PRMT7: variants seen among roughly 807,000 people sequenced by gnomAD.
The protein encoded by PRMT7 is protein arginine methyltransferase 7, also known as protein arginine N-methyltransferase 7.
In PRMT7, 75 loss-of-function variants were observed where a neutral mutation model predicts 85.4. That is an observed-to-expected ratio of 0.88 (90% confidence interval 0.73 to 1.06). The LOEUF (loss-of-function observed/expected upper bound fraction) is 1.06. Ranked by LOEUF, PRMT7 falls within the 50% of genes least tolerant of loss-of-function variation. The probability of loss-of-function intolerance (pLI) is 0.00; values close to 1 mark genes in which losing one functional copy is unlikely to be tolerated. For synonymous variants in PRMT7, 397 were observed against 359.5 expected (o/e 1.10, Z -1.18); for missense variants, 868 against 915.2 (o/e 0.95, Z 0.67).
chr16:68,326,332 G>A (rs911346821), intron 5 of PRMT7, among the ~76,000 whole-genome samples: 8 of 151,904 alleles, frequency 5.3e-5, no homozygotes, highest in Non-Finnish European at 8.8e-5. Flanking sequence ...CGCAACCTCC[G>A]CCTCCTGGGT....
intron 6 of PRMT7, among the ~76,000 whole-genome samples, chr16:68,332,164 T>G (rs1270681994): frequency 6.6e-6 from 1 of 152,232 alleles, no homozygotes; most frequent in Non-Finnish European, 1.5e-5. Context: ...TAGCTTTAAG[T>G]CAGGCCTTCT....
chr16:68,314,926 A>ATCTATTC (rs2044493057), intron 2 of PRMT7, among the ~76,000 whole-genome samples: 1 of 152,136 alleles, frequency 6.6e-6, no homozygotes, highest in Non-Finnish European at 1.5e-5. Flanking sequence ...AATTGCTTTT[A>ATCTATTC]AAATTAAAAT....
At chr16:68,358,735 G>A (rs1247562531), downstream of PRMT7, 1 of 152,562 alleles carries the variant, frequency 6.6e-6, no homozygotes, top group African/African-American at 2.4e-5. Flanking sequence ...CTGGGCCTAG[G>A]GCAGGAACAG....
At chr16:68,322,347 G>A (rs148464563) in intron 4 of PRMT7, 4 of 439,054 alleles carry the variant, frequency 9.1e-6, no homozygotes, top group Admixed American at 2.4e-5. Flanking sequence ...CTACAGGCAT[G>A]CCACCATGCC....
At chr16:68,318,451 G>A (rs1188189430) in intron 3 of PRMT7, among the ~76,000 whole-genome samples, 3 of 151,936 alleles carry the variant, frequency 2.0e-5, no homozygotes, top group South Asian at 2.1e-4. Context: ...CGCCCGCCTC[G>A]GCCTCCCAAA....
chr16:68,344,221 G>A (rs1038930312), intron 9 of PRMT7, among the ~76,000 whole-genome samples: 6 of 152,262 alleles, frequency 3.9e-5, no homozygotes, highest in South Asian at 4.1e-4. Context: ...TGCCAGCCTC[G>A]GCCTCCCAAA....
intron 5 of PRMT7, among the ~76,000 whole-genome samples, chr16:68,327,868 G>A (rs1329295708): frequency 6.6e-6 from 1 of 151,456 alleles, no homozygotes; most frequent in Non-Finnish European, 1.5e-5. Flanking sequence ...AGCCTGGGAG[G>A]TGGAAGCTGC....
intron 9 of PRMT7, among the ~76,000 whole-genome samples, chr16:68,340,861 C>T (rs2085421290): frequency 6.6e-6 from 1 of 152,198 alleles, no homozygotes; most frequent in South Asian, 2.1e-4. Flanking sequence ...GTCCATTATC[C>T]TTTCAGTGGG....
intron 9 of PRMT7, among the ~76,000 whole-genome samples, chr16:68,340,550 C>A (rs139379534): frequency 6.6e-6 from 1 of 151,230 alleles, no homozygotes; most frequent in Non-Finnish European, 1.5e-5. Flanking sequence ...TACTGCACTC[C>A]CGCCTGGGCA....
Position 68,348,390 on chromosome 16 carries a change from C to T in PRMT7, c.1372C>T (p.Arg458Trp), listed in dbSNP as rs200159195. Residue 458 changes from arginine to tryptophan, a missense_variant, in exon 14 of 19, where the codon CGG becomes TGG. Physicochemically the swap from Arg to Trp is moderately radical, Grantham distance 101. Coordinates refer to ENST00000441236, the MANE Select transcript of PRMT7 (RefSeq NM_019023.5). Reference protein sequence around the residue: ...LEDKINIIEKRPELLTNEDLQ... With the variant: ...LEDKINIIEKWPELLTNEDLQ... ...AGATAAAATTAACATCATAGAGAAA[C>T]GGCCGGAATTATTAACAAATGAGGA... The T allele has an allele frequency of 4.0e-5, 65 of 1,612,764 alleles. No homozygotes were observed. The highest frequency in any genetic ancestry group is 3.0e-4 in the Admixed American group (18 of 59,982).
chr16:68,359,365 C>G (rs111662255), downstream of PRMT7: 3,357 of 152,570 alleles, frequency 0.022, 151 homozygotes, highest in African/African-American at 0.075. Context: ...TCGCCCTCAG[C>G]AGCCCCTTCC....
intron 5 of PRMT7, among the ~76,000 whole-genome samples, chr16:68,325,110 C>T (rs1431597803): frequency 6.6e-6 from 1 of 152,204 alleles, no homozygotes; most frequent in East Asian, 1.9e-4. Context: ...GTAATCCCAG[C>T]ACTTCGGGAG....
chr16:68,347,206 C>G lies in PRMT7; in HGVS notation c.1192-5C>G. The G allele has an allele frequency of 1.9e-6, 3 of 1,551,628 alleles. No individual in the cohort carries two copies. Among genetic ancestry groups the G allele is most frequent in the Non-Finnish European group, 1.7e-6 (2 of 1,146,840 alleles). On this transcript the variant is annotated splice_polypyrimidine_tract_variant and splice_region_variant and intron_variant, in intron 11 of 18. Coordinates refer to ENST00000441236, the MANE Select transcript of PRMT7 (RefSeq NM_019023.5). ...CCCTGTGCTGAGCTTGCCTGTTCCC[C>G]GCAGGTGCTGAAGCCAGACAGCGTG...
chr16:68,350,427 G>C (rs1028891379), intron 14 of PRMT7, among the ~76,000 whole-genome samples: 2 of 151,914 alleles, frequency 1.3e-5, no homozygotes, highest in Non-Finnish European at 2.9e-5. Flanking sequence ...CCAGCACCTG[G>C]CATTGGCTTT....
At chr16:68,325,285 G>A (rs576259360) in intron 5 of PRMT7, among the ~76,000 whole-genome samples, 3 of 152,304 alleles carry the variant, frequency 2.0e-5, no homozygotes, top group South Asian at 2.1e-4. Context: ...TCTTGAGCCC[G>A]GAAAGTCAAG....
rs752101995 is a variant in PRMT7, at chr16:68,347,664, A to T, written c.1309A>T (p.Lys437Ter). ...AGTCGAGAGTTCAGCAGCTTCTCAC[A>T]AACTGTTGAGAAAAGTAAGTGAGAA... Reference protein sequence around the residue: ...FTVESSAASHKLLRKIFKANH... With the variant: ...FTVESSAASH The change falls in exon 13 of 19, where the codon AAA becomes TAA. Residue 437 changes from lysine (K) to a stop codon, truncating the protein, a stop_gained. Coordinates refer to ENST00000441236, the MANE Select transcript of PRMT7 (RefSeq NM_019023.5). LOFTEE classifies it high-confidence loss of function. The T allele has an allele frequency of 6.2e-7, 1 of 1,613,844 alleles. No homozygotes were observed. The highest frequency in any genetic ancestry group is 1.3e-5 in the African/African-American group (1 of 74,900).
intron 3 of PRMT7, among the ~76,000 whole-genome samples, chr16:68,318,231 G>A (rs960935048): frequency 2.5e-4 from 35 of 141,672 alleles, no homozygotes; most frequent in African/African-American, 9.3e-4. Context: ...ACAGAGTCTC[G>A]CTCTGTTTCC....
intron 9 of PRMT7, among the ~76,000 whole-genome samples, chr16:68,340,848 C>A (rs2085418701): frequency 6.6e-6 from 1 of 152,182 alleles, no homozygotes; most frequent in East Asian, 1.9e-4. Flanking sequence ...TAGCAGGGAT[C>A]AAGTCCATTA....
At chr16:68,327,178 A>G (rs2083226928) in intron 5 of PRMT7, among the ~76,000 whole-genome samples, 1 of 152,230 alleles carries the variant, frequency 6.6e-6, no homozygotes, top group South Asian at 2.1e-4. Flanking sequence ...ATAGTAAAAA[A>G]TATAGTATTC....
Sources: allele counts gnomAD v4.1 joint callset (sites outside exome capture counted in the v4.1 genomes callset), GRCh38; gene constraint gnomAD v4.1.1; transcripts MANE v1.5; gene names NCBI Gene and HGNC (gene_info 2026-07-23, HGNC 2026-07-21).